SYNE3: variants seen among roughly 807,000 people sequenced by gnomAD.
SYNE3 encodes nesprin-3.
A neutral mutation model predicts 111.2 loss-of-function variants in SYNE3; 100 were observed. That is an observed-to-expected ratio of 0.90 (90% CI 0.77 to 1.06). SYNE3 has a LOEUF of 1.06. Among genes scored for constraint, SYNE3 ranks in the 50% least tolerant of loss-of-function variants. The probability of loss-of-function intolerance (pLI) is 0.00; values close to 1 mark genes in which losing one functional copy is unlikely to be tolerated. For missense variants in SYNE3, 1,160 were observed against 1,240.3 expected (o/e 0.94, Z 0.97); for synonymous variants, 547 against 533.9 (o/e 1.02, Z -0.34).
intron 17 of SYNE3, 22 bp downstream of exon 17, chr14:95,432,057 G>C (rs1255225723): frequency 6.2e-7 from 1 of 1,609,382 alleles, no homozygotes; most frequent in Non-Finnish European, 8.5e-7. Flanking sequence ...TAGCCGTGTG[G>C]AGCAGATGGC....
chr14:95,427,613 A>G (rs1432063302), intron 17 of SYNE3, among the ~76,000 whole-genome samples: 6 of 152,132 alleles, frequency 3.9e-5, no homozygotes, highest in Non-Finnish European at 8.8e-5. Context: ...CTTGGCTGCC[A>G]GGCAGGGAAG....
At chr14:95,453,612 G>A (rs1254188663) in intron 6 of SYNE3, among the ~76,000 whole-genome samples, 2 of 152,240 alleles carry the variant, frequency 1.3e-5, no homozygotes, top group African/African-American at 2.4e-5. Flanking sequence ...GACACAGTTG[G>A]TTTGTGGGAA....
chr14:95,490,182 C>G, intron 1 of SYNE3, among the ~76,000 whole-genome samples: 1 of 152,220 alleles, frequency 6.6e-6, no homozygotes, highest in East Asian at 1.9e-4. Flanking sequence ...TGCTGAGAGG[C>G]CCTGCCCTAT....
In SYNE3 at chr14:95,485,957, C is replaced by A. The variant is rs1188408150; in HGVS notation, c.-14-10122G>T. Reference sequence around the variant, plus strand: ...AAGGGTCAGGGGAGGGACAGAGGTGCAGACAGCAGCCTGCACTCAAGGGGT... The same window carrying A: ...AAGGGTCAGGGGAGGGACAGAGGTGAAGACAGCAGCCTGCACTCAAGGGGT... On this transcript the variant is annotated intron_variant, in intron 1 of 17. Transcript: ENST00000682763. This position sits in a 1 kb window ranked among gnomAD's most constrained non-coding sequence, Gnocchi z 4.3. Among the ~76,000 whole-genome samples the A allele has an allele frequency of 6.6e-6, 1 of 152,134 alleles. No homozygotes were observed. The highest frequency in any genetic ancestry group is 1.5e-5 in the Non-Finnish European group (1 of 68,016).
rs5810723 is a variant in SYNE3, at chr14:95,411,321, CAAAAAA to C, written c.*6499_*6504del. 1.4e-5 allele frequency: 2 copies of C among 137,980 alleles called. No homozygotes were observed. Among genetic ancestry groups the C allele is most frequent in the Admixed American group, 7.2e-5 (1 of 13,944 alleles). The allele number at this position is 137,980 out of a possible 1,614,324, so 8.5% of individuals were successfully genotyped here. A position where few individuals can be genotyped will look rare whatever the true frequency, so the allele number is the denominator to read the frequency against. On this transcript the variant is annotated 3_prime_UTR_variant, in exon 18 of 18. Coordinates refer to ENST00000682763, the MANE Select transcript of SYNE3 (RefSeq NM_152592.6). ...GAACATCCTAATTTTAACATAAATT[CAAAAAA>C]AAAAAAAGAAAAAAGAAAAGGAGAC...
chr14:95,457,063 C>G (rs2139442874), intron 5 of SYNE3, 114 bp downstream of exon 5: 1 of 1,382,796 alleles, frequency 7.2e-7, no homozygotes, highest in Middle Eastern at 2.0e-4. Context: ...CCAGCCTGAG[C>G]AACAGAGCAA....
chr14:95,467,570 G>C (rs1334103884), intron 3 of SYNE3, among the ~76,000 whole-genome samples: 1 of 152,178 alleles, frequency 6.6e-6, no homozygotes, highest in African/African-American at 2.4e-5. Flanking sequence ...AAGTCTCTTA[G>C]GAATTGTTGA....
chr14:95,483,975 C>T (rs1388119152), intron 1 of SYNE3, among the ~76,000 whole-genome samples: 1 of 152,224 alleles, frequency 6.6e-6, no homozygotes, highest in Non-Finnish European at 1.5e-5. Context: ...CCCACTGTCA[C>T]AGACCGGTGG....
At chr14:95,439,808 A>G (rs1218512739) in intron 12 of SYNE3, 24 bp from the exon 13 acceptor site, 2 of 1,601,968 alleles carry the variant, frequency 1.2e-6, no homozygotes, top group African/African-American at 2.7e-5. Flanking sequence ...GGACACACAG[A>G]CACACACACG....
intron 1 of SYNE3, among the ~76,000 whole-genome samples, chr14:95,513,737 T>TTATATATATATA (rs59944497): frequency 0.036 from 3,294 of 92,128 alleles, 102 homozygotes; most frequent in Non-Finnish European, 0.04. Flanking sequence ...GCTGCTTAGA[T>TTATATATATATA]TATATATATA....
rs774870853 is a variant in SYNE3, at chr14:95,439,096, G to A, written c.2313C>T (p.Asn771=). ...VDSGKKMVFT[N]NIPKSGFLIN... ...TGAGAAATCCTGACTTTGGGATGTT[G>A]TTGGTGAAAACCATTTTCTTCCCCG... Residue 771 remains asparagine, a synonymous_variant, in exon 14 of 18, where the codon AAC becomes AAT. Coordinates refer to ENST00000682763, the MANE Select transcript of SYNE3 (RefSeq NM_152592.6). 6.2e-7 allele frequency: 1 copy of A among 1,614,264 alleles called. No individual in the cohort carries two copies. The highest frequency in any genetic ancestry group is 1.7e-5 in the Admixed American group (1 of 60,032).
At chr14:95,501,483 C>A (rs535118611) in intron 1 of SYNE3, among the ~76,000 whole-genome samples, 1 of 152,200 alleles carries the variant, frequency 6.6e-6, no homozygotes, top group African/African-American at 2.4e-5. Flanking sequence ...CCAGGTGCCA[C>A]GTGCAGCAGA....
chr14:95,455,847 C>T (rs577088286), intron 5 of SYNE3, 123 bp from the exon 6 acceptor site: 29 of 954,426 alleles, frequency 3.0e-5, no homozygotes, highest in Non-Finnish European at 6.2e-6. Flanking sequence ...GCGTTAGAGC[C>T]AGAGAGGGGC....
At chr14:95,487,023 C>G (rs1889584883) in intron 1 of SYNE3, among the ~76,000 whole-genome samples, 1 of 152,188 alleles carries the variant, frequency 6.6e-6, no homozygotes, top group Admixed American at 6.5e-5. Context: ...ATATTAGAGT[C>G]TGGGTGCCAC....
chr14:95,469,941 T>C (rs1159598051), intron 2 of SYNE3, among the ~76,000 whole-genome samples: 1 of 152,168 alleles, frequency 6.6e-6, no homozygotes, highest in Non-Finnish European at 1.5e-5. Context: ...CCTACCTTTG[T>C]TATCAAAGAG....
Position 95,444,620 on chromosome 14 carries a change from G to T in SYNE3, c.1641C>A (p.Leu547=). ...LQRKSKLQSL[L]AQHKDFGAAF... is the part of the protein sequence containing the mutation. ...CTGCTCCAAAGTCTTTGTGCTGAGC[G>T]AGCAGGCTCTGCAGAGACACAGGAC... The change falls in exon 10 of 18, where the codon CTC becomes CTA. Residue 547 remains leucine, a synonymous_variant. Transcript: ENST00000682763. 6.3e-7 allele frequency: 1 copy of T among 1,594,210 alleles called. No homozygotes were observed. The highest frequency in any genetic ancestry group is 1.1e-5 in the South Asian group (1 of 89,476).
intron 1 of SYNE3, among the ~76,000 whole-genome samples, chr14:95,502,768 A>G (rs1890384007): frequency 6.6e-6 from 1 of 152,226 alleles, no homozygotes; most frequent in Admixed American, 6.5e-5. Context: ...CACAATCTTG[A>G]CATCCAGAAC....
intron 1 of SYNE3, among the ~76,000 whole-genome samples, chr14:95,513,737 T>TGATATATATATA (rs1480614847): frequency 1.1e-5 from 1 of 92,506 alleles, no homozygotes; most frequent in Non-Finnish European, 2.1e-5. Flanking sequence ...GCTGCTTAGA[T>TGATATATATATA]TATATATATA....
chr14:95,421,513 G>A (rs1461932505), intron 17 of SYNE3, among the ~76,000 whole-genome samples: 1 of 152,190 alleles, frequency 6.6e-6, no homozygotes, highest in Admixed American at 6.5e-5. Flanking sequence ...ATGTCACTTA[G>A]CCTCTCAGAG....
Sources: allele counts gnomAD v4.1 joint callset (sites outside exome capture counted in the v4.1 genomes callset), GRCh38; gene constraint gnomAD v4.1.1; non-coding constraint Gnocchi (gnomAD v3.1); transcripts MANE v1.5; gene names NCBI Gene and HGNC (gene_info 2026-07-23, HGNC 2026-07-21).